DCUN1D5: variants seen among roughly 807,000 people sequenced by gnomAD.
DCUN1D5 encodes defective in cullin neddylation 1 domain containing 5.
A neutral mutation model predicts 38.3 loss-of-function variants in DCUN1D5; 10 were observed. The ratio of observed to expected loss-of-function variants is 0.26; its 90% CI spans 0.16 to 0.44. The LOEUF (loss-of-function observed/expected upper bound fraction) is 0.44. Among genes scored for constraint, DCUN1D5 ranks in the 20% least tolerant of loss-of-function variants. The probability of loss-of-function intolerance (pLI) is 1.00; values close to 1 mark genes in which losing one functional copy is unlikely to be tolerated. For missense variants in DCUN1D5, 148 were observed against 275.3 expected (o/e 0.54, Z 3.27); for synonymous variants, 93 against 90.9 (o/e 1.02, Z -0.13).
Position 103,062,554 on chromosome 11 carries a change from C to T in DCUN1D5, c.659-140G>A. 1.5e-6 allele frequency: 1 copy of T among 688,652 alleles called. No individual in the cohort carries two copies. The highest frequency in any genetic ancestry group is 2.5e-6 in the Non-Finnish European group (1 of 406,262). 42.7% of individuals were successfully genotyped at this position (688,652 alleles called of 1,614,324 possible). ...TGTTCTGCTTCTAGACACCTTATTC[C>T]ATTTAATGGTGCTTTCTTATTAGCC... is the stretch of plus-strand genomic sequence containing the variant. On this transcript the variant is annotated intron_variant, in intron 7 of 7. Coordinates refer to ENST00000260247, the MANE Select transcript of DCUN1D5 (RefSeq NM_032299.4). This position sits in a 1 kb window ranked among gnomAD's most constrained non-coding sequence, Gnocchi z 4.6.
rs1861925951 is a variant in DCUN1D5 at position 103,058,258 on chromosome 11, A to C, written c.*4101T>G. Among the ~76,000 whole-genome samples, 1 of 152,238 alleles carries C rather than the reference A, an allele frequency of 6.6e-6. No homozygotes were observed. The highest frequency in any genetic ancestry group is 2.4e-5 in the African/African-American group (1 of 41,468). On this transcript the variant is annotated 3_prime_UTR_variant, in exon 8 of 8. Coordinates refer to ENST00000260247, the MANE Select transcript of DCUN1D5 (RefSeq NM_032299.4). Reference sequence around the variant, plus strand: ...AAAATGTTTCATCGATCCTAAAAAGAAAATGGTCACACCAATAACAACTGG... The same window carrying C: ...AAAATGTTTCATCGATCCTAAAAAGCAAATGGTCACACCAATAACAACTGG...
Position 103,070,122 on chromosome 11 carries a change from A to T in DCUN1D5, c.342-3555T>A, listed in dbSNP as rs533891291. Among the ~76,000 whole-genome samples, 125 of 152,252 alleles carry T rather than the reference A, an allele frequency of 8.2e-4. 1 individual carries two copies. The highest frequency in any genetic ancestry group is 2.6e-3 in the African/African-American group (110 of 41,582). On this transcript the variant is annotated intron_variant, in intron 4 of 7. Coordinates refer to ENST00000260247, the MANE Select transcript of DCUN1D5 (RefSeq NM_032299.4). Reference sequence around the variant, plus strand: ...AAAATATAAAGTCTCAGCAAAAAAAAAAAAGTCCAAGGACAAAGAAATATA... The same window carrying T: ...AAAATATAAAGTCTCAGCAAAAAAATAAAAGTCCAAGGACAAAGAAATATA...
In DCUN1D5 at chr11:103,083,237, A is replaced by C. The variant is rs371795616; in HGVS notation, c.249+19T>G. 1 of 1,359,042 alleles carries C rather than the reference A, an allele frequency of 7.4e-7. No individual in the cohort carries two copies. The highest frequency in any genetic ancestry group is 1.4e-5 in the African/African-American group (1 of 70,050). 84.2% of individuals were successfully genotyped at this position (1,359,042 alleles called of 1,614,324 possible). A position where few individuals can be genotyped will look rare whatever the true frequency, so the allele number is the denominator to read the frequency against. On this transcript the variant is annotated intron_variant, in intron 3 of 7. Transcript: ENST00000260247. The surrounding 1 kb of genome is among the most constrained non-coding windows in gnomAD (Gnocchi z 4.4). ...CTATACCCCACTTATATGCCATTCT[A>C]CTTAGAAATAAAACATACATTTTCA...
chr11:103,065,056 AAGAAAAT>A lies in DCUN1D5; in HGVS notation c.556-686_556-680del, dbSNP rs1176990220. 6.6e-6 allele frequency among the ~76,000 whole-genome samples: 1 copy of A among 152,210 alleles called. No homozygotes were observed. The highest frequency in any genetic ancestry group is 2.4e-5 in the African/African-American group (1 of 41,456). On this transcript the variant is annotated intron_variant, in intron 6 of 7. Coordinates refer to ENST00000260247, the MANE Select transcript of DCUN1D5 (RefSeq NM_032299.4). The surrounding 1 kb of genome is among the most constrained non-coding windows in gnomAD (Gnocchi z 4.6). ...ATTTTTGCCCAAAACTACTAATAGG[AAGAAAAT>A]AGATACCATCCATCAAAAATAATTT...
At position 103,056,432 on chromosome 11, in the gene DCUN1D5, C is replaced by A. The variant is rs547722600; in HGVS notation, c.*5927G>T. Among the ~76,000 whole-genome samples the A allele has an allele frequency of 2.7e-3, 404 of 152,258 alleles. 5 individuals are homozygous for A. The highest frequency in any genetic ancestry group is 8.8e-3 in the African/African-American group (367 of 41,530). ...CCTGGAATGCTCTCCTCCCAGATAT[C>A]CACACTGCACAACCATTCACCTCCT... On this transcript the variant is annotated 3_prime_UTR_variant, in exon 8 of 8. Transcript: ENST00000260247. The surrounding 1 kb of genome is among the most constrained non-coding windows in gnomAD (Gnocchi z 4.9).
rs913504564 is a variant in DCUN1D5, at chr11:103,067,885, A to G, written c.342-1318T>C. Among the ~76,000 whole-genome samples the G allele has an allele frequency of 3.3e-5, 5 of 152,120 alleles. No homozygotes were observed. In the East Asian group the frequency reaches 9.6e-4, roughly 29 times the overall value. ...AAGATTGTAGTACATAAGACTCAGA[A>G]AATGAAAAGAGAATTGCTACTTTTC... On this transcript the variant is annotated intron_variant, in intron 4 of 7. Transcript: ENST00000260247.
chr11:103,053,711 TATATC>T lies in DCUN1D5; in HGVS notation c.*8643_*8647del, dbSNP rs1369768563. 6.6e-6 allele frequency: 1 copy of T among 151,086 alleles called. No individual in the cohort carries two copies. Among genetic ancestry groups the T allele is most frequent in the Non-Finnish European group, 1.5e-5 (1 of 67,948 alleles). 9.4% of individuals were successfully genotyped at this position (151,086 alleles called of 1,614,324 possible). Reference sequence around the variant, plus strand: ...TATCAATGAATTTTAATTATATGAATATATCATATTATCACATGTACCCCCCAAAT... The same window carrying T: ...TATCAATGAATTTTAATTATATGAATATATTATCACATGTACCCCCCAAAT... On this transcript the variant is annotated 3_prime_UTR_variant, in exon 8 of 8. Transcript: ENST00000260247. This position sits in a 1 kb window ranked among gnomAD's most constrained non-coding sequence, Gnocchi z 4.8.
chr11:103,077,876 T>C lies in DCUN1D5; in HGVS notation c.341+4872A>G, dbSNP rs1320721918. 6.6e-6 allele frequency among the ~76,000 whole-genome samples: 1 copy of C among 152,168 alleles called. No individual in the cohort carries two copies. Among genetic ancestry groups the C allele is most frequent in the East Asian group, 1.9e-4 (1 of 5,188 alleles). On this transcript the variant is annotated intron_variant, in intron 4 of 7. Coordinates refer to ENST00000260247, the MANE Select transcript of DCUN1D5 (RefSeq NM_032299.4). This position sits in a 1 kb window ranked among gnomAD's most constrained non-coding sequence, Gnocchi z 4.3. ...AATGTGCAGAGGGGCATTTTGAAATTGTCATAATGACCTTAAGAGAGAACA... is the reference window on the plus strand; with the variant it reads ...AATGTGCAGAGGGGCATTTTGAAATCGTCATAATGACCTTAAGAGAGAACA...
rs576281974 is a variant in DCUN1D5, at chr11:103,078,368, A to G, written c.341+4380T>C. ...CAAGTATCCTTGAAACCTCGTATCT[A>G]TAGACGAAGGAAGAGAAATTCCATA... On this transcript the variant is annotated intron_variant, in intron 4 of 7. Coordinates refer to ENST00000260247, the MANE Select transcript of DCUN1D5 (RefSeq NM_032299.4). The surrounding 1 kb of genome is among the most constrained non-coding windows in gnomAD (Gnocchi z 4.6). Among the ~76,000 whole-genome samples the G allele has an allele frequency of 6.6e-6, 1 of 152,366 alleles. No individual in the cohort carries two copies. The highest frequency in any genetic ancestry group is 1.9e-4 in the East Asian group (1 of 5,192).
intron 1 of DCUN1D5, 87 bp from the exon 2 acceptor site, chr11:103,089,405 C>A: frequency 8.5e-7 from 1 of 1,177,532 alleles, no homozygotes; most frequent in Non-Finnish European, 1.2e-6. Context: ...CTTCCATTCA[C>A]ATTAAACAAA....
chr11:103,072,337 ACTAGAT>A (rs59688664), intron 4 of DCUN1D5, among the ~76,000 whole-genome samples: 42,398 of 145,660 alleles, frequency 0.29, 6,379 homozygotes, highest in African/African-American at 0.42. Flanking sequence ...AGGATCTAGA[ACTAGAT>A]CTAGATCTAG....
intron 4 of DCUN1D5, among the ~76,000 whole-genome samples, chr11:103,079,022 T>C (rs1476408845): frequency 6.6e-6 from 1 of 152,202 alleles, no homozygotes; most frequent in African/African-American, 2.4e-5. Flanking sequence ...GAAACCAGGC[T>C]GTATAGCAGG....
In DCUN1D5 at chr11:103,088,366, A is replaced by AT. The variant is rs537238482; in HGVS notation, c.178+860dup. 1.3e-3 allele frequency among the ~76,000 whole-genome samples: 199 copies of AT among 152,366 alleles called. 1 individual carries two copies. The highest frequency in any genetic ancestry group is 4.7e-3 in the African/African-American group (195 of 41,578). On this transcript the variant is annotated intron_variant, in intron 2 of 7. Transcript: ENST00000260247. ...GGAAAAGAAAAAAGCTTTAAAATCA[A>AT]TAACTCCAAAAAAACAAAACTATTC...
At chr11:103,076,203 C>T (rs1334898502) in intron 4 of DCUN1D5, among the ~76,000 whole-genome samples, 1 of 152,128 alleles carries the variant, frequency 6.6e-6, no homozygotes, top group East Asian at 1.9e-4. Context: ...AACACAGGAC[C>T]TGACATATAG....
intron 2 of DCUN1D5, among the ~76,000 whole-genome samples, chr11:103,085,423 C>T (rs1311336446): frequency 2.0e-5 from 3 of 152,012 alleles, no homozygotes; most frequent in South Asian, 2.1e-4. Context: ...GGTGACAGAG[C>T]GAGACTCTGT....
intron 4 of DCUN1D5, 27 bp downstream of exon 4, chr11:103,082,721 A>T: frequency 6.8e-7 from 1 of 1,479,106 alleles, no homozygotes; most frequent in Non-Finnish European, 9.4e-7. Flanking sequence ...TAGGCCATCA[A>T]ATTTGTTTTT....
At chr11:103,075,159 C>T (rs1464143109) in intron 4 of DCUN1D5, among the ~76,000 whole-genome samples, 3 of 152,156 alleles carry the variant, frequency 2.0e-5, no homozygotes, top group Non-Finnish European at 2.9e-5. Flanking sequence ...ATAAGTTTGT[C>T]ATCAATGTTT....
rs553881350 is a variant in DCUN1D5, at chr11:103,075,373, T to C, written c.341+7375A>G. 8.8e-4 allele frequency among the ~76,000 whole-genome samples: 134 copies of C among 152,274 alleles called. 3 individuals carry two copies. The South Asian group carries it at 0.022, about 25-fold the overall frequency. The stretch of plus-strand genomic sequence containing the variant: ...TATTTTCCTTACAGGCAAGTCCAAG[T>C]GTACTTTTAAAAAGTTTTTTTTTTT... On this transcript the variant is annotated intron_variant, in intron 4 of 7. Coordinates refer to ENST00000260247, the MANE Select transcript of DCUN1D5 (RefSeq NM_032299.4).
At position 103,086,311 on chromosome 11, in the gene DCUN1D5, T is replaced by C. The variant is rs570391418; in HGVS notation, c.178+2916A>G. Among the ~76,000 whole-genome samples, 2 of 152,350 alleles carry C rather than the reference T, an allele frequency of 1.3e-5. No individual in the cohort carries two copies. Among genetic ancestry groups the C allele is most frequent in the East Asian group, 3.9e-4 (2 of 5,194 alleles). ...TGTAATGCTATTACTGTTTTAATAA[T>C]AATAACATTTGAGTTCTGACTATAT... On this transcript the variant is annotated intron_variant, in intron 2 of 7. Transcript: ENST00000260247. The surrounding 1 kb of genome is among the most constrained non-coding windows in gnomAD (Gnocchi z 4.1).
Sources: gnomAD v4.1 joint callset for allele counts (sites outside exome capture counted in the v4.1 genomes callset) on GRCh38, gnomAD v4.1.1 for gene constraint, Gnocchi (gnomAD v3.1) non-coding constraint, MANE v1.5 for transcripts, NCBI Gene and HGNC (gene_info 2026-07-23, HGNC 2026-07-21) for gene names.